HS3ST2: variants seen among roughly 807,000 people sequenced by gnomAD.
The protein encoded by HS3ST2 is heparan sulfate glucosamine 3-O-sulfotransferase 2.
In HS3ST2, 17 loss-of-function variants were observed where a neutral mutation model predicts 26.3. The observed-to-expected ratio is 0.65, with a 90% CI of 0.44 to 0.97. The LOEUF is 0.97. HS3ST2 is among the 50% of genes least tolerant of loss of function. The probability of loss-of-function intolerance (pLI) is 0.00; values close to 1 mark genes in which losing one functional copy is unlikely to be tolerated. For missense variants in HS3ST2, 402 were observed against 501.2 expected (o/e 0.80, Z 1.89); for synonymous variants, 237 against 219.2 (o/e 1.08, Z -0.72).
At chr16:22,853,707 C>T (rs939365031) in intron 1 of HS3ST2, among the ~76,000 whole-genome samples, 2 of 152,154 alleles carry the variant, frequency 1.3e-5, no homozygotes, top group Non-Finnish European at 2.9e-5. Context: ...GAGGAGAGAG[C>T]ATTGTGGGAC....
intron 1 of HS3ST2, among the ~76,000 whole-genome samples, chr16:22,864,540 G>A (rs1185845537): frequency 2.0e-5 from 3 of 152,168 alleles, no homozygotes; most frequent in Admixed American, 2.0e-4. Context: ...AGAGGGCTGG[G>A]TTATTCAGTC....
At chr16:22,912,102 C>T (rs1045675369) in intron 1 of HS3ST2, among the ~76,000 whole-genome samples, 3 of 152,012 alleles carry the variant, frequency 2.0e-5, no homozygotes, top group Non-Finnish European at 4.4e-5. Flanking sequence ...CCAGCCTGGG[C>T]GACAGCATAA....
In HS3ST2 at chr16:22,870,915, A is replaced by G. The variant is rs532663209; in HGVS notation, c.486-44029A>G. On this transcript the variant is annotated intron_variant, in intron 1 of 1. Transcript: ENST00000261374. Reference sequence around the variant, plus strand: ...GATGATCCGTAACTTACAATGGTTCAACTTAAGATTTTTCGACTTTATGAT... The same window carrying G: ...GATGATCCGTAACTTACAATGGTTCGACTTAAGATTTTTCGACTTTATGAT... Among the ~76,000 whole-genome samples the G allele has an allele frequency of 3.3e-5, 5 of 152,324 alleles. No individual in the cohort carries two copies. The East Asian group carries it at 9.6e-4, about 29-fold the overall frequency.
At chr16:22,832,252 C>T (rs1901182325) in intron 1 of HS3ST2, among the ~76,000 whole-genome samples, 1 of 151,684 alleles carries the variant, frequency 6.6e-6, no homozygotes, top group African/African-American at 2.4e-5. Flanking sequence ...CCACTTCAGC[C>T]TCTCAAAGTG....
At chr16:22,886,756 C>T (rs1449240105) in intron 1 of HS3ST2, among the ~76,000 whole-genome samples, 1 of 151,940 alleles carries the variant, frequency 6.6e-6, no homozygotes. Flanking sequence ...GGCATCGATT[C>T]CACTTCTTTT....
chr16:22,876,488 A>G (rs1031420548), intron 1 of HS3ST2, among the ~76,000 whole-genome samples: 3 of 152,330 alleles, frequency 2.0e-5, no homozygotes, highest in African/African-American at 7.2e-5. Flanking sequence ...AAAAAAATTA[A>G]AACATAATAG....
intron 1 of HS3ST2, among the ~76,000 whole-genome samples, chr16:22,850,982 G>C (rs1349623901): frequency 6.6e-6 from 1 of 152,200 alleles, no homozygotes; most frequent in Non-Finnish European, 1.5e-5. Context: ...TGTGAGCTCA[G>C]TTTGGGCTTT....
At chr16:22,901,470 G>T (rs372563393) in intron 1 of HS3ST2, among the ~76,000 whole-genome samples, 7 of 152,246 alleles carry the variant, frequency 4.6e-5, no homozygotes, top group African/African-American at 1.7e-4. Flanking sequence ...CCCTACACGA[G>T]ATTCAAATGC....
At chr16:22,869,140 G>A (rs1487468289) in intron 1 of HS3ST2, among the ~76,000 whole-genome samples, 2 of 151,922 alleles carry the variant, frequency 1.3e-5, no homozygotes, top group Non-Finnish European at 2.9e-5. Context: ...GAAAAGGGGC[G>A]CTCTGTAAAA....
chr16:22,891,496 G>A (rs1902129466), intron 1 of HS3ST2, among the ~76,000 whole-genome samples: 1 of 151,420 alleles, frequency 6.6e-6, no homozygotes, highest in Admixed American at 6.6e-5. Flanking sequence ...AAATGCACTT[G>A]ACCCAAGAAG....
chr16:22,855,528 C>T (rs1248105938), intron 1 of HS3ST2, among the ~76,000 whole-genome samples: 1 of 152,182 alleles, frequency 6.6e-6, no homozygotes, highest in African/African-American at 2.4e-5. Flanking sequence ...ACTGCCACGC[C>T]CCTGCTGCTC....
intron 1 of HS3ST2, among the ~76,000 whole-genome samples, chr16:22,881,130 AACTTCCCTCGTCTAAAGTC>A (rs1303526436): frequency 6.6e-6 from 1 of 152,214 alleles, no homozygotes; most frequent in African/African-American, 2.4e-5. Flanking sequence ...TCTGGGAAAG[AACTTCCCTCGTCTAAAGTC>A]ACTTCCCTCG....
At chr16:22,900,850 G>A (rs1902274528) in intron 1 of HS3ST2, among the ~76,000 whole-genome samples, 5 of 152,172 alleles carry the variant, frequency 3.3e-5, no homozygotes, top group Admixed American at 3.3e-4. Flanking sequence ...GATGGGGTGG[G>A]AGGAGATGGA....
intron 1 of HS3ST2, among the ~76,000 whole-genome samples, chr16:22,824,068 C>T (rs12922115): frequency 0.12 from 18,897 of 152,268 alleles, 1,264 homozygotes; most frequent in Middle Eastern, 0.18. Flanking sequence ...TATCTGTAGA[C>T]GTCAGTGTCA....
At chr16:22,857,550 G>C (rs1874662723) in intron 1 of HS3ST2, among the ~76,000 whole-genome samples, 1 of 152,202 alleles carries the variant, frequency 6.6e-6, no homozygotes. Flanking sequence ...TATGCAAAGA[G>C]CCTGACAAAT....
At chr16:22,908,132 A>C (rs1902378797) in intron 1 of HS3ST2, among the ~76,000 whole-genome samples, 1 of 152,160 alleles carries the variant, frequency 6.6e-6, no homozygotes, top group South Asian at 2.1e-4. Flanking sequence ...GTCTGAAACA[A>C]ACAAACACAA....
intron 1 of HS3ST2, among the ~76,000 whole-genome samples, chr16:22,846,650 G>T (rs1204502324): frequency 6.6e-6 from 1 of 152,198 alleles, no homozygotes; most frequent in East Asian, 1.9e-4. Context: ...GTCATGAGAG[G>T]TTCGAGGAAC....
intron 1 of HS3ST2, among the ~76,000 whole-genome samples, chr16:22,903,884 T>G (rs1475325641): frequency 6.6e-6 from 1 of 152,148 alleles, no homozygotes; most frequent in East Asian, 1.9e-4. Flanking sequence ...ACCATGTCAT[T>G]GAGGGGACTG....
intron 1 of HS3ST2, among the ~76,000 whole-genome samples, chr16:22,881,435 A>T (rs1429686403): frequency 6.6e-6 from 1 of 151,868 alleles, no homozygotes; most frequent in East Asian, 1.9e-4. Context: ...CTCGGTCTCT[A>T]CCCCTTCTCC....
Sources: allele counts gnomAD v4.1 joint callset (sites outside exome capture counted in the v4.1 genomes callset), GRCh38; gene constraint gnomAD v4.1.1; transcripts MANE v1.5; gene names NCBI Gene and HGNC (gene_info 2026-07-23, HGNC 2026-07-21).